The following ST6GALNAC5 variants were observed in gnomAD, a reference collection of about 807,000 sequenced individuals.
ST6GALNAC5 encodes the protein ST6 N-acetylgalactosaminide alpha-2,6-sialyltransferase 5, also known as alpha-N-acetylgalactosaminide alpha-2,6-sialyltransferase 5.
A neutral mutation model predicts 33.6 loss-of-function variants in ST6GALNAC5; 27 were observed. That is an observed-to-expected ratio of 0.80 (90% CI 0.59 to 1.11). ST6GALNAC5 has a LOEUF of 1.11. Among genes scored for constraint, ST6GALNAC5 ranks in the 50% least tolerant of loss-of-function variants. The probability of loss-of-function intolerance (pLI) is 0.00; values close to 1 mark genes in which losing one functional copy is unlikely to be tolerated. For synonymous variants in ST6GALNAC5, 194 were observed against 171.2 expected, an observed-to-expected ratio of 1.13 and a Z score of -1.04; for missense variants, 428 against 454.0, an observed-to-expected ratio of 0.94 and a Z score of 0.52.
intron 2 of ST6GALNAC5, among the ~76,000 whole-genome samples, chr1:76,970,534 C>T (rs891702313): frequency 4.6e-5 from 7 of 151,912 alleles, no homozygotes; most frequent in African/African-American, 1.7e-4. Context: ...ATGAACAAAG[C>T]CTCCAAGAAA....
At chr1:76,952,578 G>A (rs1223528254) in intron 2 of ST6GALNAC5, among the ~76,000 whole-genome samples, 1 of 152,030 alleles carries the variant, frequency 6.6e-6, no homozygotes, top group Admixed American at 6.6e-5. Flanking sequence ...AATGATCAAT[G>A]TTTGAGATGA....
chr1:76,999,245 G>A (rs375344515), intron 2 of ST6GALNAC5, among the ~76,000 whole-genome samples: 8 of 152,156 alleles, frequency 5.3e-5, no homozygotes, highest in Non-Finnish European at 1.5e-5. Context: ...TTAAAAAAGG[G>A]ATTTAGGTAC....
chr1:77,013,296 T>C (rs1371957652), intron 2 of ST6GALNAC5, among the ~76,000 whole-genome samples: 3 of 152,158 alleles, frequency 2.0e-5, no homozygotes, highest in African/African-American at 7.2e-5. Context: ...CACAATTTCA[T>C]GCTAATATTC....
At chr1:76,894,652 A>G (rs1332258425) in intron 2 of ST6GALNAC5, among the ~76,000 whole-genome samples, 1 of 152,222 alleles carries the variant, frequency 6.6e-6, no homozygotes, top group Non-Finnish European at 1.5e-5. Context: ...TCATAAGTGA[A>G]GATGGTGATG....
At chr1:77,030,207 A>G (rs906596456) in intron 2 of ST6GALNAC5, among the ~76,000 whole-genome samples, 4 of 152,078 alleles carry the variant, frequency 2.6e-5, no homozygotes, top group Non-Finnish European at 5.9e-5. Context: ...AGACTCCCCA[A>G]TCCTCTTTTC....
In ST6GALNAC5 at chr1:77,063,211, T is replaced by C. The variant is rs1486986787; in HGVS notation, c.*5T>C. ...GAGAATAAACCTGTGTTCTAAGGAA[T>C]GAGCATGCCAGACTGTAATCCCAGG... On this transcript the variant is annotated 3_prime_UTR_variant, in exon 5 of 5. Coordinates refer to ENST00000477717, the MANE Select transcript of ST6GALNAC5 (RefSeq NM_030965.3). The C allele has an allele frequency of 6.2e-7, 1 of 1,611,812 alleles. No individual in the cohort carries two copies. Among genetic ancestry groups the C allele is most frequent in the Non-Finnish European group, 8.5e-7 (1 of 1,178,348 alleles).
At chr1:77,044,086 G>T (rs1407524245) in intron 2 of ST6GALNAC5, 118 bp from the exon 3 acceptor site, 4 of 1,128,594 alleles carry the variant, frequency 3.5e-6, no homozygotes, top group African/African-American at 3.2e-5. Context: ...ACTCTGACAT[G>T]ATGGGGAGGA....
chr1:77,067,140 A>G lies in ST6GALNAC5; in HGVS notation c.*3934A>G, dbSNP rs1652805535. ...CCTATCAGAAGGCCACGTCAAAGAG[A>G]ACTATAATAATAAGCCCTGGGGGGC... On this transcript the variant is annotated 3_prime_UTR_variant, in exon 5 of 5. Coordinates refer to ENST00000477717, the MANE Select transcript of ST6GALNAC5 (RefSeq NM_030965.3). Among the ~76,000 whole-genome samples the G allele has an allele frequency of 7.2e-6, 1 of 139,854 alleles. No homozygotes were observed. The highest frequency in any genetic ancestry group is 2.3e-4 in the South Asian group (1 of 4,292). The allele number at this position is 139,854 out of a possible 152,430, so 91.7% of individuals were successfully genotyped here.
intron 2 of ST6GALNAC5, among the ~76,000 whole-genome samples, chr1:76,982,463 CAA>C (rs1279306293): frequency 6.6e-6 from 1 of 151,788 alleles, no homozygotes; most frequent in Non-Finnish European, 1.5e-5. Flanking sequence ...AAGGTTAGAG[CAA>C]AAAGAGTAAA....
At chr1:76,989,914 G>C (rs1649658345) in intron 2 of ST6GALNAC5, among the ~76,000 whole-genome samples, 1 of 152,124 alleles carries the variant, frequency 6.6e-6, no homozygotes, top group African/African-American at 2.4e-5. Flanking sequence ...TGTGTTCTGA[G>C]ATCTGTCATG....
intron 2 of ST6GALNAC5, among the ~76,000 whole-genome samples, chr1:76,929,601 CATGGT>C (rs1647118814): frequency 1.3e-5 from 2 of 152,070 alleles, no homozygotes; most frequent in South Asian, 4.1e-4. Flanking sequence ...AGCAGAGATG[CATGGT>C]ATAGAGCTAT....
At chr1:77,029,525 T>A (rs1651371790) in intron 2 of ST6GALNAC5, among the ~76,000 whole-genome samples, 1 of 152,186 alleles carries the variant, frequency 6.6e-6, no homozygotes, top group Non-Finnish European at 1.5e-5. Context: ...TCCAATGACC[T>A]CTGCTCCTGT....
At position 76,931,085 on chromosome 1, in the gene ST6GALNAC5, C is replaced by T. The variant is rs377315454; in HGVS notation, c.261+62343C>T. On this transcript the variant is annotated intron_variant, in intron 2 of 4. Coordinates refer to ENST00000477717, the MANE Select transcript of ST6GALNAC5 (RefSeq NM_030965.3). ...CCATCCTTCTGGAGTTTCTCCTTTGCTTGATGGCTTTCAGAAAGTATGCAG... is the reference window on the plus strand; with the variant it reads ...CCATCCTTCTGGAGTTTCTCCTTTGTTTGATGGCTTTCAGAAAGTATGCAG... Among the ~76,000 whole-genome samples, 19 of 152,214 alleles carry T rather than the reference C, an allele frequency of 1.2e-4. No individual in the cohort carries two copies. The East Asian group carries it at 3.1e-3, about 25-fold the overall frequency.
At chr1:76,970,759 A>T (rs892155362) in intron 2 of ST6GALNAC5, among the ~76,000 whole-genome samples, 1 of 151,942 alleles carries the variant, frequency 6.6e-6, no homozygotes, top group Admixed American at 6.6e-5. Context: ...TACAGTAACT[A>T]TTTTTTTTAG....
chr1:76,867,613 C>T lies in ST6GALNAC5; in HGVS notation c.-63C>T. On this transcript the variant is annotated 5_prime_UTR_variant, in exon 1 of 5. Transcript: ENST00000477717. ...CGCCCCATTACCCATCATGGAAACCCTCCAGGAAAAAGTGGCCCCGGACGC... is the reference window on the plus strand; with the variant it reads ...CGCCCCATTACCCATCATGGAAACCTTCCAGGAAAAAGTGGCCCCGGACGC... The T allele has an allele frequency of 1.2e-6, 2 of 1,613,908 alleles. No individual in the cohort carries two copies. The highest frequency in any genetic ancestry group is 1.7e-6 in the Non-Finnish European group (2 of 1,179,798).
chr1:77,024,148 G>T (rs1651150415), intron 2 of ST6GALNAC5, among the ~76,000 whole-genome samples: 1 of 152,316 alleles, frequency 6.6e-6, no homozygotes, highest in South Asian at 2.1e-4. Flanking sequence ...ACACCCTGCA[G>T]CTGACCCAAT....
intron 2 of ST6GALNAC5, among the ~76,000 whole-genome samples, chr1:76,885,373 A>G (rs939431135): frequency 2.0e-5 from 3 of 152,232 alleles, no homozygotes; most frequent in African/African-American, 7.2e-5. Flanking sequence ...GAAAGTTACA[A>G]TTATTCATAA....
At position 77,027,693 on chromosome 1, in the gene ST6GALNAC5, T is replaced by C. The variant is rs995930048; in HGVS notation, c.262-16511T>C. On this transcript the variant is annotated intron_variant, in intron 2 of 4. Coordinates refer to ENST00000477717, the MANE Select transcript of ST6GALNAC5 (RefSeq NM_030965.3). ...TGGGAAGCCAGGTGGGATTACAACC[T>C]TCACTGCATGGAAGACAGAGTGGCA... is the stretch of plus-strand genomic sequence containing the variant. Among the ~76,000 whole-genome samples, 12 of 152,182 alleles carry C rather than the reference T, an allele frequency of 7.9e-5. 1 individual carries two copies. The highest frequency in any genetic ancestry group is 2.9e-4 in the African/African-American group (12 of 41,450).
Position 76,965,852 on chromosome 1 carries a change from T to G in ST6GALNAC5, c.262-78352T>G, listed in dbSNP as rs1027382726. Among the ~76,000 whole-genome samples, 66 of 152,348 alleles carry G rather than the reference T, an allele frequency of 4.3e-4. 1 individual carries two copies. Among genetic ancestry groups the G allele is most frequent in the African/African-American group, 1.4e-3 (59 of 41,576 alleles). The stretch of plus-strand genomic sequence containing the variant: ...GCTAGCTAGTTTTCCCAGCACCATT[T>G]ATTAAATAGAGAATCCTTTCCCATT... On this transcript the variant is annotated intron_variant, in intron 2 of 4. Coordinates refer to ENST00000477717, the MANE Select transcript of ST6GALNAC5 (RefSeq NM_030965.3).
Sources: gnomAD v4.1 joint callset for allele counts (sites outside exome capture counted in the v4.1 genomes callset) on GRCh38, gnomAD v4.1.1 for gene constraint, MANE v1.5 for transcripts, NCBI Gene and HGNC (gene_info 2026-07-23, HGNC 2026-07-21) for gene names.